The following SDK2 variants were observed in gnomAD, a reference collection of about 807,000 sequenced individuals.
The protein encoded by SDK2 is protein sidekick-2.
A neutral mutation model predicts 253.9 loss-of-function variants in SDK2; 105 were observed. The ratio of observed to expected loss-of-function variants is 0.41; its 90% confidence interval spans 0.35 to 0.49. SDK2 has a LOEUF of 0.49. Ranked by LOEUF, SDK2 falls within the 20% of genes least tolerant of loss-of-function variation. The pLI is 0.06. For missense variants in SDK2, 2,608 were observed against 3,003.0 expected, an observed-to-expected ratio of 0.87 and a Z score of 3.07; for synonymous variants, 1,249 against 1,234.9, an observed-to-expected ratio of 1.01 and a Z score of -0.24.
rs1456909540 is a variant in SDK2, at chr17:73,639,926, T to C, written c.64+4099A>G. ...GCAGACGACGGTCCTAGATGACTTT[T>C]CGTGTGTCTTTCAAGTCAAATGCAA... is the stretch of plus-strand genomic sequence containing the variant. On this transcript the variant is annotated intron_variant, in intron 1 of 44. Coordinates refer to ENST00000392650, the MANE Select transcript of SDK2 (RefSeq NM_001144952.2). This position sits in a 1 kb window ranked among gnomAD's most constrained non-coding sequence, Gnocchi z 4.3. 6.6e-6 allele frequency among the ~76,000 whole-genome samples: 1 copy of C among 152,100 alleles called. No individual in the cohort carries two copies. Among genetic ancestry groups the C allele is most frequent in the Admixed American group, 6.5e-5 (1 of 15,276 alleles).
chr17:73,505,513 C>CTCATCA (rs1353678415), intron 2 of SDK2, among the ~76,000 whole-genome samples: 1 of 151,662 alleles, frequency 6.6e-6, no homozygotes, highest in African/African-American at 2.4e-5. Context: ...ATAGCTGGAC[C>CTCATCA]TCATCATCGT....
In SDK2 at chr17:73,457,547, C is replaced by T. The variant is rs375344459; in HGVS notation, c.332-1494G>A. Among the ~76,000 whole-genome samples the T allele has an allele frequency of 8.2e-4, 124 of 151,546 alleles. 1 individual carries two copies. The East Asian group carries it at 0.02, about 25-fold the overall frequency. On this transcript the variant is annotated intron_variant, in intron 3 of 44. Coordinates refer to ENST00000392650, the MANE Select transcript of SDK2 (RefSeq NM_001144952.2). The stretch of plus-strand genomic sequence containing the variant: ...TGTATTTTTAGTAGAGATGGGGTTT[C>T]GCCATGTTGGCCAGGCCGGTCTTGA...
At chr17:73,369,336 G>A in intron 36 of SDK2, 1 of 279,646 alleles carries the variant, frequency 3.6e-6, no homozygotes, top group South Asian at 3.2e-5. Flanking sequence ...GAGTCTCAGG[G>A]CCACCCCGGG....
In SDK2 at chr17:73,379,633, A is replaced by G. The variant is rs927386641; in HGVS notation, c.4763-84T>C. 5.1e-6 allele frequency: 4 copies of G among 790,286 alleles called. No homozygotes were observed. The highest frequency in any genetic ancestry group is 5.3e-4 in the Middle Eastern group (2 of 3,790). The allele number at this position is 790,286 out of a possible 1,614,324, so 49.0% of individuals were successfully genotyped here. ...TGTCCCCAGGGAGGGTGGAGGCTGC[A>G]GGGGGAGGAATGAGGCACCCCCGCC... is the stretch of plus-strand genomic sequence containing the variant. On this transcript the variant is annotated intron_variant, in intron 34 of 44. Transcript: ENST00000392650. The surrounding 1 kb of genome is among the most constrained non-coding windows in gnomAD (Gnocchi z 4.5).
Position 73,415,773 on chromosome 17 carries a change from G to A in SDK2, c.2368+38C>T, listed in dbSNP as rs1215146072. On this transcript the variant is annotated intron_variant, in intron 17 of 44. Transcript: ENST00000392650. Reference sequence around the variant, plus strand: ...CAAAGTGCTAGGATTACACGCATGAGCCACCGCGCCTGGTCTGAGACCACA... The same window carrying A: ...CAAAGTGCTAGGATTACACGCATGAACCACCGCGCCTGGTCTGAGACCACA... The A allele has an allele frequency of 2.6e-6, 4 of 1,524,426 alleles. No homozygotes were observed. The South Asian group carries it at 3.6e-5, about 14-fold the overall frequency. The allele number at this position is 1,524,426 out of a possible 1,614,324, so 94.4% of individuals were successfully genotyped here.
Position 73,447,509 on chromosome 17 carries a change from C to G in SDK2, c.613+106G>C. ...TCCCCCCGGCCGTCCCCTAGCTTCC[C>G]TGTCCCCCTCCTCTGCCACTCCATC... On this transcript the variant is annotated intron_variant, in intron 5 of 44. Coordinates refer to ENST00000392650, the MANE Select transcript of SDK2 (RefSeq NM_001144952.2). The surrounding 1 kb of genome is among the most constrained non-coding windows in gnomAD (Gnocchi z 4.0). 1.4e-6 allele frequency: 2 copies of G among 1,478,972 alleles called. No individual in the cohort carries two copies. The highest frequency in any genetic ancestry group is 1.8e-6 in the Non-Finnish European group (2 of 1,093,276). The allele number at this position is 1,478,972 out of a possible 1,614,324, so 91.6% of individuals were successfully genotyped here. A position where few individuals can be genotyped will look rare whatever the true frequency, so the allele number is the denominator to read the frequency against.
chr17:73,385,050 C>A (rs2062861269), intron 32 of SDK2, among the ~76,000 whole-genome samples: 2 of 152,228 alleles, frequency 1.3e-5, no homozygotes, highest in South Asian at 4.1e-4. Flanking sequence ...GCTTTGTCTT[C>A]AAGGGCTTTC....
At chr17:73,632,745 C>T (rs2046285106) in intron 1 of SDK2, among the ~76,000 whole-genome samples, 1 of 152,140 alleles carries the variant, frequency 6.6e-6, no homozygotes, top group Non-Finnish European at 1.5e-5. Flanking sequence ...GAAAACAGCA[C>T]AGAAAATTTT....
chr17:73,587,243 G>T (rs1298054412), intron 1 of SDK2, among the ~76,000 whole-genome samples: 2 of 152,152 alleles, frequency 1.3e-5, no homozygotes, highest in Non-Finnish European at 2.9e-5. Flanking sequence ...CAGCTCAGCT[G>T]CCCCCTCCTT....
chr17:73,388,914 CT>C (rs1355889969), intron 29 of SDK2, among the ~76,000 whole-genome samples: 4 of 78,046 alleles, frequency 5.1e-5, no homozygotes, highest in Non-Finnish European at 7.3e-5. Flanking sequence ...CCCTCCCTCC[CT>C]TTTTCCCCCC....
At chr17:73,539,893 C>T (rs1338201705) in intron 1 of SDK2, among the ~76,000 whole-genome samples, 1 of 152,100 alleles carries the variant, frequency 6.6e-6, no homozygotes, top group African/African-American at 2.4e-5. Flanking sequence ...GATGGGCGGC[C>T]CCCACCAGAG....
rs1295245308 is a variant in SDK2 at position 73,335,440 on chromosome 17, C to G, written c.*3147G>C. On this transcript the variant is annotated 3_prime_UTR_variant, in exon 45 of 45. Transcript: ENST00000392650. Reference sequence around the variant, plus strand: ...ATCACAGGCCAGAAAGGGTCCCACTCTTTCTACAAAGGGCAGGGCCCACCA... The same window carrying G: ...ATCACAGGCCAGAAAGGGTCCCACTGTTTCTACAAAGGGCAGGGCCCACCA... 1 of 152,252 alleles carries G rather than the reference C, an allele frequency of 6.6e-6. No individual in the cohort carries two copies. The highest frequency in any genetic ancestry group is 1.5e-5 in the Non-Finnish European group (1 of 68,062). The allele number at this position is 152,252 out of a possible 1,614,324, so 9.4% of individuals were successfully genotyped here. A position where few individuals can be genotyped will look rare whatever the true frequency, so the allele number is the denominator to read the frequency against.
At chr17:73,485,029 C>A (rs1455768091) in intron 2 of SDK2, among the ~76,000 whole-genome samples, 1 of 152,182 alleles carries the variant, frequency 6.6e-6, no homozygotes, top group Non-Finnish European at 1.5e-5. Flanking sequence ...TCAGCTGAAC[C>A]AATTACCTCT....
chr17:73,472,275 G>T, intron 2 of SDK2, 57 bp from the exon 3 acceptor site: 1 of 1,318,180 alleles, frequency 7.6e-7, no homozygotes, highest in Non-Finnish European at 1.1e-6. Flanking sequence ...GGGTACAGAG[G>T]TCAGATTGGG....
At chr17:73,608,309 A>C (rs2045932241) in intron 1 of SDK2, among the ~76,000 whole-genome samples, 1 of 151,950 alleles carries the variant, frequency 6.6e-6, no homozygotes, top group Non-Finnish European at 1.5e-5. Context: ...ACGATCACGG[A>C]GGTAAAGGGC....
chr17:73,407,569 G>T (rs555949726), intron 18 of SDK2, among the ~76,000 whole-genome samples: 2 of 152,148 alleles, frequency 1.3e-5, no homozygotes, highest in African/African-American at 4.8e-5. Flanking sequence ...AAGACAATAA[G>T]GAATCAATTT....
Position 73,365,292 on chromosome 17 carries a change from G to A in SDK2, c.5271C>T (p.Tyr1757=), listed in dbSNP as rs780772270. 12 of 1,612,920 alleles carry A rather than the reference G, an allele frequency of 7.4e-6. No homozygotes were observed. In the East Asian group the frequency reaches 2.0e-4, roughly 27 times the overall value. Residue 1757 remains tyrosine (Y), a synonymous_variant, in exon 38 of 45, where the codon TAC becomes TAT. Coordinates refer to ENST00000392650, the MANE Select transcript of SDK2 (RefSeq NM_001144952.2). ...PQFPNGILEG[Y]RLVYEPCSPV... ...GGCTGCAGGGCTCGTACACCAGCCT[G>A]TAGCCCTCCAGGATGCCATTGGGGA... is the stretch of plus-strand genomic sequence containing the variant.
rs143798310 is a variant in SDK2 at position 73,466,654 on chromosome 17, A to G, written c.331+5458T>C. Among the ~76,000 whole-genome samples the G allele has an allele frequency of 5.2e-3, 783 of 151,616 alleles. 9 individuals carry two copies. The highest frequency in any genetic ancestry group is 0.018 in the African/African-American group (738 of 41,262). On this transcript the variant is annotated intron_variant, in intron 3 of 44. Coordinates refer to ENST00000392650, the MANE Select transcript of SDK2 (RefSeq NM_001144952.2). ...TCTCAGACCTGTCCTGGGAGCCCAC[A>G]GAAGAAAGACATTTACACAATGGCA...
At chr17:73,596,631 C>G (rs941705251) in intron 1 of SDK2, among the ~76,000 whole-genome samples, 9 of 152,152 alleles carry the variant, frequency 5.9e-5, no homozygotes, top group Non-Finnish European at 1.0e-4. Context: ...AACCCCCTTC[C>G]CAGTGGTCTC....
Sources: allele counts gnomAD v4.1 joint callset (sites outside exome capture counted in the v4.1 genomes callset), GRCh38; gene constraint gnomAD v4.1.1; non-coding constraint Gnocchi (gnomAD v3.1); transcripts MANE v1.5; gene names NCBI Gene and HGNC (gene_info 2026-07-23, HGNC 2026-07-21).